CRPPA: variants seen among roughly 807,000 people sequenced by gnomAD.
CRPPA encodes CDP-L-ribitol pyrophosphorylase A, also known as D-ribitol-5-phosphate cytidylyltransferase.
CRPPA carries 43 observed loss-of-function variants against 52.0 expected under a neutral mutation model. That is an observed-to-expected ratio of 0.83 (90% CI 0.65 to 1.07). The LOEUF is 1.07. CRPPA is among the 50% of genes least tolerant of loss of function. The pLI, the probability that CRPPA is intolerant of heterozygous loss-of-function variation, is 0.00. For synonymous variants in CRPPA, 250 were observed against 203.5 expected, an observed-to-expected ratio of 1.23 and a Z score of -1.94; for missense variants, 629 against 551.7, an observed-to-expected ratio of 1.14 and a Z score of -1.40.
intron 9 of CRPPA, among the ~76,000 whole-genome samples, chr7:16,149,019 T>A (rs527879356): frequency 2.3e-4 from 35 of 152,322 alleles, no homozygotes; most frequent in African/African-American, 8.2e-4. Context: ...TACTCTGAAA[T>A]GTAATTTGTA....
chr7:16,188,891 C>T (rs1781554729), intron 9 of CRPPA, among the ~76,000 whole-genome samples: 2 of 152,128 alleles, frequency 1.3e-5, no homozygotes, highest in South Asian at 4.1e-4. Context: ...GTCTCTAGCT[C>T]CTTGAGAAGT....
chr7:16,275,842 AT>A (rs1379384578), intron 6 of CRPPA, among the ~76,000 whole-genome samples: 1 of 151,700 alleles, frequency 6.6e-6, no homozygotes, highest in Admixed American at 6.6e-5. Flanking sequence ...CAAACAAAAA[AT>A]ATATATATAT....
intron 9 of CRPPA, among the ~76,000 whole-genome samples, chr7:16,170,136 GA>G (rs1248226103): frequency 6.6e-6 from 1 of 152,120 alleles, no homozygotes; most frequent in Non-Finnish European, 1.5e-5. Context: ...AGTAGGATGT[GA>G]TTTTTTTTAA....
At chr7:16,145,362 T>C (rs185453895) in intron 9 of CRPPA, among the ~76,000 whole-genome samples, 7 of 152,300 alleles carry the variant, frequency 4.6e-5, no homozygotes, top group Admixed American at 1.3e-4. Flanking sequence ...AGAAGGCCTG[T>C]ACCTGCTGAA....
At chr7:16,354,411 G>C (rs1786243501) in intron 3 of CRPPA, among the ~76,000 whole-genome samples, 3 of 152,150 alleles carry the variant, frequency 2.0e-5, no homozygotes, top group Non-Finnish European at 4.4e-5. Context: ...CAGGTATGCA[G>C]TAAGTAGACT....
At chr7:16,389,499 G>A (rs1332235591) in intron 2 of CRPPA, among the ~76,000 whole-genome samples, 3 of 151,930 alleles carry the variant, frequency 2.0e-5, no homozygotes, top group Admixed American at 6.6e-5. Context: ...TAGAATAAAG[G>A]ACAAACATAT....
At chr7:16,118,852 A>G (rs1367106521) in intron 9 of CRPPA, among the ~76,000 whole-genome samples, 2 of 152,178 alleles carry the variant, frequency 1.3e-5, no homozygotes, top group Admixed American at 1.3e-4. Context: ...TGATTATTCT[A>G]ACCTAAAGAC....
intron 1 of CRPPA, among the ~76,000 whole-genome samples, chr7:16,413,248 A>C (rs912407330): frequency 1.3e-5 from 2 of 152,184 alleles, no homozygotes; most frequent in African/African-American, 4.8e-5. Flanking sequence ...AAGCCTTCCT[A>C]CTATGGCCCA....
At chr7:16,215,815 TGACA>T (rs1395182521) in intron 9 of CRPPA, among the ~76,000 whole-genome samples, 7 of 152,204 alleles carry the variant, frequency 4.6e-5, no homozygotes, top group Non-Finnish European at 7.4e-5. Flanking sequence ...TTGATAAACC[TGACA>T]GTTCTATTTG....
intron 1 of CRPPA, among the ~76,000 whole-genome samples, chr7:16,410,198 A>G (rs1264055225): frequency 6.6e-6 from 1 of 152,160 alleles, no homozygotes; most frequent in Non-Finnish European, 1.5e-5. Context: ...CATATTTCAC[A>G]CACCTTGGGA....
intron 5 of CRPPA, among the ~76,000 whole-genome samples, chr7:16,291,204 C>T (rs1784557052): frequency 6.6e-6 from 1 of 151,872 alleles, no homozygotes; most frequent in Non-Finnish European, 1.5e-5. Context: ...TACAAGACCT[C>T]TATGAAAAAC....
intron 9 of CRPPA, among the ~76,000 whole-genome samples, chr7:16,105,067 G>A (rs1170254620): frequency 1.3e-5 from 2 of 152,136 alleles, no homozygotes; most frequent in Non-Finnish European, 2.9e-5. Context: ...TAAAATATAA[G>A]GGAATCCTGG....
In CRPPA at chr7:16,286,062, T is replaced by TA. The variant is rs1562608493; in HGVS notation, c.836-7837dup. On this transcript the variant is annotated intron_variant, in intron 5 of 9. Coordinates refer to ENST00000407010, the MANE Select transcript of CRPPA (RefSeq NM_001101426.4). ...AAATATAAATATATATATATATATA[T>TA]ATATATATATATATATATAATATTT... Among the ~76,000 whole-genome samples the TA allele has an allele frequency of 2.3e-3, 74 of 32,356 alleles. 7 individuals are homozygous for TA. The highest frequency in any genetic ancestry group is 0.013 in the African/African-American group (62 of 4,946). The allele number at this position is 32,356 out of a possible 152,430, so 21.2% of individuals were successfully genotyped here.
chr7:16,196,911 C>A (rs73058562), intron 9 of CRPPA, among the ~76,000 whole-genome samples: 189 of 152,112 alleles, frequency 1.2e-3, no homozygotes, highest in Non-Finnish European at 2.0e-3. Flanking sequence ...ATATTATTTT[C>A]ATACACAAAA....
chr7:16,094,441 C>G (rs1781895840), intron 9 of CRPPA, among the ~76,000 whole-genome samples: 1 of 152,050 alleles, frequency 6.6e-6, no homozygotes, highest in Non-Finnish European at 1.5e-5. Context: ...GAAAAAAATG[C>G]AAACCCAATG....
chr7:16,225,288 CATAAA>C (rs1316943518), intron 8 of CRPPA, among the ~76,000 whole-genome samples: 20 of 151,876 alleles, frequency 1.3e-4, no homozygotes, highest in Non-Finnish European at 5.9e-5. Flanking sequence ...TATTTTAAGT[CATAAA>C]ATAAATAGTT....
At chr7:16,118,946 T>C (rs1475115114) in intron 9 of CRPPA, among the ~76,000 whole-genome samples, 1 of 152,144 alleles carries the variant, frequency 6.6e-6, no homozygotes, top group African/African-American at 2.4e-5. Context: ...GGAGGGAACC[T>C]GTGAAAACAG....
intron 9 of CRPPA, among the ~76,000 whole-genome samples, chr7:16,163,105 C>A (rs1352487946): frequency 6.6e-6 from 1 of 151,578 alleles, no homozygotes; most frequent in African/African-American, 2.4e-5. Flanking sequence ...TCCCAAGTAG[C>A]TGGGACTACA....
chr7:16,393,032 A>T (rs1384434990), intron 2 of CRPPA, among the ~76,000 whole-genome samples: 4 of 152,158 alleles, frequency 2.6e-5, no homozygotes, highest in Non-Finnish European at 2.9e-5. Flanking sequence ...CTTGTCAAGG[A>T]TCTTAAAGTC....
Sources: gnomAD v4.1 joint callset for allele counts (sites outside exome capture counted in the v4.1 genomes callset) on GRCh38, gnomAD v4.1.1 for gene constraint, MANE v1.5 for transcripts, NCBI Gene and HGNC (gene_info 2026-07-23, HGNC 2026-07-21) for gene names.